UBASH3B: variants seen among roughly 807,000 people sequenced by gnomAD.
UBASH3B encodes the protein ubiquitin associated and SH3 domain containing B.
Under a neutral mutation model 83.4 loss-of-function variants are expected in UBASH3B, and 37 were observed. The ratio of observed to expected loss-of-function variants is 0.44; its 90% confidence interval spans 0.34 to 0.58. UBASH3B has a LOEUF of 0.58. UBASH3B is among the 20% of genes least tolerant of loss of function. The pLI is 0.01. For synonymous variants in UBASH3B, 304 were observed against 318.3 expected (o/e 0.96, Z 0.48); for missense variants, 657 against 827.2 (o/e 0.79, Z 2.52).
At chr11:122,808,566 G>A (rs1483385179) in intron 13 of UBASH3B, among the ~76,000 whole-genome samples, 3 of 152,286 alleles carry the variant, frequency 2.0e-5, no homozygotes, top group South Asian at 2.1e-4. Flanking sequence ...AAGGTAGGCC[G>A]AGGCATGCAG....
chr11:122,794,645 G>C (rs1347890988), intron 6 of UBASH3B, 57 bp from the exon 7 acceptor site: 1 of 1,609,604 alleles, frequency 6.2e-7, no homozygotes, highest in Non-Finnish European at 8.5e-7. Context: ...AGCCCAGGAG[G>C]AAGTGCTGAT....
intron 1 of UBASH3B, among the ~76,000 whole-genome samples, chr11:122,742,313 G>A (rs187042525): frequency 6.6e-6 from 1 of 152,326 alleles, no homozygotes; most frequent in East Asian, 1.9e-4. Flanking sequence ...ACCATCCTAA[G>A]TACAGGAGTC....
intron 1 of UBASH3B, among the ~76,000 whole-genome samples, chr11:122,719,845 C>T (rs964462041): frequency 2.0e-5 from 3 of 152,144 alleles, no homozygotes; most frequent in African/African-American, 7.2e-5. Context: ...CAATTCCATC[C>T]TCCATCAGCA....
At chr11:122,778,585 C>CTT (rs2135143857) in intron 3 of UBASH3B, among the ~76,000 whole-genome samples, 1 of 138,624 alleles carries the variant, frequency 7.2e-6, no homozygotes, top group Admixed American at 7.3e-5. Context: ...GCAAGGAGAA[C>CTT]TTTGATTTTT....
chr11:122,733,142 C>T (rs1348994671), intron 1 of UBASH3B, among the ~76,000 whole-genome samples: 6 of 152,156 alleles, frequency 3.9e-5, no homozygotes, highest in Non-Finnish European at 8.8e-5. Flanking sequence ...TATGGGGAGT[C>T]GAGTGTAGAG....
At chr11:122,731,540 CTAAG>C (rs35678824) in intron 1 of UBASH3B, among the ~76,000 whole-genome samples, 48,597 of 151,720 alleles carry the variant, frequency 0.32, 8,881 homozygotes, top group Middle Eastern at 0.48. Context: ...CACTAGATAA[CTAAG>C]TGACTAACAG....
chr11:122,759,307 C>T lies in UBASH3B; in HGVS notation c.162-16912C>T, dbSNP rs1355501236. 6.6e-6 allele frequency among the ~76,000 whole-genome samples: 1 copy of T among 152,174 alleles called. No individual in the cohort carries two copies. The highest frequency in any genetic ancestry group is 1.5e-5 in the Non-Finnish European group (1 of 68,046). On this transcript the variant is annotated intron_variant, in intron 1 of 13. Coordinates refer to ENST00000284273, the MANE Select transcript of UBASH3B (RefSeq NM_032873.5). This position sits in a 1 kb window ranked among gnomAD's most constrained non-coding sequence, Gnocchi z 4.1. The stretch of plus-strand genomic sequence containing the variant: ...TCCACAACATGCTGCTTCTCCTTGG[C>T]CAGCAGGAAAGCGAGTCATTTAGAG...
intron 1 of UBASH3B, among the ~76,000 whole-genome samples, chr11:122,694,471 G>T (rs4936722): frequency 0.25 from 37,870 of 151,942 alleles, 5,516 homozygotes; most frequent in Non-Finnish European, 0.33. Context: ...GGGGTGGGAG[G>T]ATCGCTTGAG....
intron 1 of UBASH3B, among the ~76,000 whole-genome samples, chr11:122,712,303 G>T (rs1864205075): frequency 1.3e-5 from 2 of 152,162 alleles, no homozygotes; most frequent in Non-Finnish European, 2.9e-5. Flanking sequence ...TGTCCTCAAA[G>T]TCCTCTGGAG....
intron 1 of UBASH3B, among the ~76,000 whole-genome samples, chr11:122,695,802 C>T (rs1448617382): frequency 1.3e-5 from 2 of 152,164 alleles, no homozygotes; most frequent in Non-Finnish European, 2.9e-5. Context: ...TTGATTCCTA[C>T]ATCCCAGCCA....
At chr11:122,698,237 A>AC (rs1863988613) in intron 1 of UBASH3B, among the ~76,000 whole-genome samples, 1 of 152,108 alleles carries the variant, frequency 6.6e-6, no homozygotes, top group Non-Finnish European at 1.5e-5. Context: ...AGTTGTCAAC[A>AC]TTGCAGATGA....
intron 1 of UBASH3B, among the ~76,000 whole-genome samples, chr11:122,768,107 G>A (rs1293125821): frequency 6.6e-6 from 1 of 152,146 alleles, no homozygotes; most frequent in Admixed American, 6.5e-5. Flanking sequence ...TATCTGGGAC[G>A]ATTTTCATGC....
At chr11:122,657,043 G>A (rs1373204884) in intron 1 of UBASH3B, among the ~76,000 whole-genome samples, 2 of 152,190 alleles carry the variant, frequency 1.3e-5, no homozygotes, top group African/African-American at 4.8e-5. Context: ...CAAGTCTCAG[G>A]GGCTGGAACT....
intron 1 of UBASH3B, among the ~76,000 whole-genome samples, chr11:122,753,514 T>TTTTTTTTTTTGAGAC (rs1861233814): frequency 9.4e-6 from 1 of 106,478 alleles, no homozygotes; most frequent in African/African-American, 3.7e-5. Flanking sequence ...TTTTTTTTTT[T>TTTTTTTTTTTGAGAC]GGTGATGGAG....
intron 1 of UBASH3B, among the ~76,000 whole-genome samples, chr11:122,687,730 G>A (rs973301327): frequency 6.6e-6 from 1 of 151,990 alleles, no homozygotes; most frequent in Non-Finnish European, 1.5e-5. Flanking sequence ...GTGCTTGAAG[G>A]CCAGCCTCTG....
Position 122,754,658 on chromosome 11 carries a change from GTTC to G in UBASH3B, c.162-21557_162-21555del, listed in dbSNP as rs538589421. On this transcript the variant is annotated intron_variant, in intron 1 of 13. Transcript: ENST00000284273. The stretch of plus-strand genomic sequence containing the variant: ...ATGAACCCCTTACTCCCTGAAGGCT[GTTC>G]TTCATCATCAGCCCACACCTCAGCC... Among the ~76,000 whole-genome samples the G allele has an allele frequency of 1.9e-4, 29 of 152,284 alleles. 1 individual carries two copies. The South Asian group carries it at 6.0e-3, about 32-fold the overall frequency.
At chr11:122,661,906 CT>C (rs34060053) in intron 1 of UBASH3B, among the ~76,000 whole-genome samples, 2,116 of 113,148 alleles carry the variant, frequency 0.019, 40 homozygotes, top group African/African-American at 0.059. Flanking sequence ...TGCTTTTTTT[CT>C]TTTTTTTTTT....
intron 1 of UBASH3B, among the ~76,000 whole-genome samples, chr11:122,737,873 C>T (rs947414101): frequency 2.0e-5 from 3 of 152,038 alleles, no homozygotes; most frequent in Non-Finnish European, 4.4e-5. Context: ...GGAGGTATGG[C>T]CCAGGGAAGA....
chr11:122,799,130 G>T (rs745790070), intron 10 of UBASH3B, 96 bp downstream of exon 10: 1 of 1,034,254 alleles, frequency 9.7e-7, no homozygotes, highest in African/African-American at 1.6e-5. Context: ...ACATTTGCCA[G>T]TTGAAAGCTT....
Sources: gnomAD v4.1 joint callset for allele counts (sites outside exome capture counted in the v4.1 genomes callset) on GRCh38, gnomAD v4.1.1 for gene constraint, Gnocchi (gnomAD v3.1) non-coding constraint, MANE v1.5 for transcripts, NCBI Gene and HGNC (gene_info 2026-07-23, HGNC 2026-07-21) for gene names.